The following ADCY8 variants were observed in gnomAD, a reference collection of about 807,000 sequenced individuals.
ADCY8 encodes the protein adenylate cyclase 8.
Under a neutral mutation model 119.7 loss-of-function variants are expected in ADCY8, and 51 were observed. That is an observed-to-expected ratio of 0.43 (90% CI 0.34 to 0.54). ADCY8 has a LOEUF of 0.54. Among genes scored for constraint, ADCY8 ranks in the 20% least tolerant of loss-of-function variants. The probability of loss-of-function intolerance (pLI) is 0.03; values close to 1 mark genes in which losing one functional copy is unlikely to be tolerated. For missense variants in ADCY8, 1,383 were observed against 1,598.8 expected, an observed-to-expected ratio of 0.87 and a Z score of 2.30; for synonymous variants, 665 against 651.0, an observed-to-expected ratio of 1.02 and a Z score of -0.33.
chr8:130,992,862 T>A (rs1476543514), intron 1 of ADCY8, among the ~76,000 whole-genome samples: 2 of 152,164 alleles, frequency 1.3e-5, no homozygotes, highest in African/African-American at 4.8e-5. Flanking sequence ...ATAATGCAAT[T>A]CTTATAAATT....
chr8:130,965,039 G>C (rs992893666), intron 2 of ADCY8, among the ~76,000 whole-genome samples: 2 of 152,130 alleles, frequency 1.3e-5, no homozygotes, highest in Admixed American at 1.3e-4. Context: ...ATGCTTGTGG[G>C]TTTGTTTACA....
At chr8:130,964,145 C>T (rs1028259702) in intron 2 of ADCY8, among the ~76,000 whole-genome samples, 6 of 152,184 alleles carry the variant, frequency 3.9e-5, no homozygotes, top group African/African-American at 1.2e-4. Flanking sequence ...CTGCATCAAC[C>T]TTTAAATCAT....
Position 130,856,005 on chromosome 8 carries a change from C to T in ADCY8, c.2211-6202G>A, listed in dbSNP as rs181722525. Among the ~76,000 whole-genome samples the T allele has an allele frequency of 1.2e-3, 182 of 152,178 alleles. 1 individual carries two copies. Among genetic ancestry groups the T allele is most frequent in the Admixed American group, 4.7e-3 (72 of 15,294 alleles). On this transcript the variant is annotated intron_variant, in intron 9 of 17. Coordinates refer to ENST00000286355, the MANE Select transcript of ADCY8 (RefSeq NM_001115.3). ...AGACTCCTCTGCCAACCAGTCACAA[C>T]GCCTCAATGAACTTCACAACTCCTA...
At chr8:131,022,946 G>A (rs1823719028) in intron 1 of ADCY8, among the ~76,000 whole-genome samples, 1 of 152,160 alleles carries the variant, frequency 6.6e-6, no homozygotes, top group African/African-American at 2.4e-5. Flanking sequence ...CACTCAGCAT[G>A]TACAGGGTGG....
At chr8:130,867,392 G>A (rs993087998) in intron 9 of ADCY8, among the ~76,000 whole-genome samples, 10 of 152,152 alleles carry the variant, frequency 6.6e-5, no homozygotes, top group South Asian at 2.1e-4. Flanking sequence ...GGTTGTCATG[G>A]GGATTCCAGA....
At chr8:130,939,159 A>C (rs1232515294) in intron 4 of ADCY8, among the ~76,000 whole-genome samples, 1 of 151,980 alleles carries the variant, frequency 6.6e-6, no homozygotes, top group Non-Finnish European at 1.5e-5. Context: ...CAACCCAAAT[A>C]CTATCTACTA....
At chr8:130,784,748 G>T (rs1301883829) in intron 16 of ADCY8, among the ~76,000 whole-genome samples, 1 of 152,170 alleles carries the variant, frequency 6.6e-6, no homozygotes, top group African/African-American at 2.4e-5. Flanking sequence ...TTTCATCCCA[G>T]ATAGTCACTC....
At chr8:130,790,472 G>A (rs963215) in intron 15 of ADCY8, among the ~76,000 whole-genome samples, 18,934 of 152,134 alleles carry the variant, frequency 0.12, 1,547 homozygotes, top group East Asian at 0.28. Flanking sequence ...AGTTCGCTCC[G>A]TGCCTAATGA....
chr8:130,904,125 A>G, intron 6 of ADCY8, 83 bp from the exon 7 acceptor site: 1 of 1,357,458 alleles, frequency 7.4e-7, no homozygotes, highest in East Asian at 2.4e-5. Context: ...CAAAACCAAC[A>G]CCAGGGTTAC....
intron 17 of ADCY8, 150 bp from the exon 18 acceptor site, chr8:130,781,027 G>A (rs906168316): frequency 4.5e-5 from 46 of 1,021,024 alleles, no homozygotes; most frequent in Non-Finnish European, 6.3e-5. Flanking sequence ...CTTATTAGAT[G>A]TATCACCTGG....
intron 7 of ADCY8, among the ~76,000 whole-genome samples, chr8:130,896,825 C>A (rs1819406644): frequency 6.6e-6 from 1 of 152,092 alleles, no homozygotes; most frequent in African/African-American, 2.4e-5. Flanking sequence ...TGGATGTCCC[C>A]ATGGCTTCCT....
chr8:130,793,887 T>C (rs972477185), intron 15 of ADCY8, among the ~76,000 whole-genome samples: 1 of 152,210 alleles, frequency 6.6e-6, no homozygotes, highest in Admixed American at 6.5e-5. Context: ...CTCTCAAAAA[T>C]TCATGTCCTC....
rs1300819988 is a variant in ADCY8 at position 131,040,486 on chromosome 8, G to A, written c.-153C>T. 3.1e-6 allele frequency: 3 copies of A among 962,810 alleles called. No homozygotes were observed. The highest frequency in any genetic ancestry group is 3.4e-4 in the Middle Eastern group (1 of 2,900). 59.6% of individuals were successfully genotyped at this position (962,810 alleles called of 1,614,324 possible). A position where few individuals can be genotyped will look rare whatever the true frequency, so the allele number is the denominator to read the frequency against. The stretch of plus-strand genomic sequence containing the variant: ...CAGGAGCCCTGCGCTAGGGCTCCCT[G>A]TAGGTCGGGTCATACTGTGCCCAGG... On this transcript the variant is annotated 5_prime_UTR_variant, in exon 1 of 18. Coordinates refer to ENST00000286355, the MANE Select transcript of ADCY8 (RefSeq NM_001115.3).
intron 5 of ADCY8, among the ~76,000 whole-genome samples, chr8:130,919,549 G>C (rs1236091818): frequency 1.1e-4 from 16 of 152,202 alleles, no homozygotes; most frequent in Non-Finnish European, 2.2e-4. Context: ...AAAAGGTCCT[G>C]ATTTGTGATG....
At chr8:130,940,520 A>T (rs1820925184) in intron 4 of ADCY8, among the ~76,000 whole-genome samples, 1 of 151,844 alleles carries the variant, frequency 6.6e-6, no homozygotes, top group South Asian at 2.1e-4. Flanking sequence ...ATACAAAAAA[A>T]TAAAATGTAT....
chr8:130,913,178 T>C (rs2130560229), intron 5 of ADCY8, among the ~76,000 whole-genome samples: 1 of 152,334 alleles, frequency 6.6e-6, no homozygotes, highest in East Asian at 1.9e-4. Context: ...CAAGCATTTA[T>C]CCTTTGAGTT....
rs897473220 is a variant in ADCY8, at chr8:130,807,925, A to G, written c.2913+6144T>C. Among the ~76,000 whole-genome samples the G allele has an allele frequency of 1.2e-4, 14 of 120,272 alleles. No homozygotes were observed. In the East Asian group the frequency reaches 4.1e-3, roughly 35 times the overall value. The allele number at this position is 120,272 out of a possible 152,430, so 78.9% of individuals were successfully genotyped here. On this transcript the variant is annotated intron_variant, in intron 14 of 17. Coordinates refer to ENST00000286355, the MANE Select transcript of ADCY8 (RefSeq NM_001115.3). Reference sequence around the variant, plus strand: ...CGTGAACCCGGGAGGCGGAGCTTGCAGTGAGCCGAGATCCCGCCACTGCAC... The same window carrying G: ...CGTGAACCCGGGAGGCGGAGCTTGCGGTGAGCCGAGATCCCGCCACTGCAC...
intron 15 of ADCY8, among the ~76,000 whole-genome samples, chr8:130,787,771 A>G (rs1563664133): frequency 3.4e-5 from 5 of 148,162 alleles, no homozygotes; most frequent in African/African-American, 1.3e-4. Flanking sequence ...GTCCACATGT[A>G]TGTGTGCCTG....
At position 130,937,027 on chromosome 8, in the gene ADCY8, C is replaced by A. The variant is rs368913815; in HGVS notation, c.1481+46G>T. 4 of 1,574,398 alleles carry A rather than the reference C, an allele frequency of 2.5e-6. No individual in the cohort carries two copies. In the Middle Eastern group the frequency reaches 6.9e-4, roughly 270 times the overall value. The stretch of plus-strand genomic sequence containing the variant: ...AAGGGTAGGTGAAGTGGCCTGTGAT[C>A]GTGCACATTGAAGACCCAGGTAACA... On this transcript the variant is annotated intron_variant, in intron 5 of 17. Transcript: ENST00000286355.
Sources: gnomAD v4.1 joint callset for allele counts (sites outside exome capture counted in the v4.1 genomes callset) on GRCh38, gnomAD v4.1.1 for gene constraint, MANE v1.5 for transcripts, NCBI Gene and HGNC (gene_info 2026-07-23, HGNC 2026-07-21) for gene names.